ZMYM1: variants seen among roughly 807,000 people sequenced by gnomAD.
The protein encoded by ZMYM1 is zinc finger MYM-type containing 1, also known as zinc finger MYM-type protein 1.
A neutral mutation model predicts 60.0 loss-of-function variants in ZMYM1; 39 were observed. The ratio of observed to expected loss-of-function variants is 0.65; its 90% CI spans 0.50 to 0.85. The LOEUF is 0.85. ZMYM1 is among the 40% of genes least tolerant of loss of function. ZMYM1 has a pLI of 0.00. For synonymous variants in ZMYM1, 413 were observed against 454.0 expected (o/e 0.91, Z 1.15); for missense variants, 1,171 against 1,309.5 (o/e 0.89, Z 1.63).
At position 35,115,713 on chromosome 1, in the gene ZMYM1, T is replaced by A. The variant is rs899631204; in HGVS notation, c.*454T>A. ...GAGTGAGTTTACTGTAAGCTGGAAA[T>A]CTAAAGTTAGAATTACTAGGTTAAG... On this transcript the variant is annotated 3_prime_UTR_variant, in exon 10 of 10. Coordinates refer to ENST00000359858, the MANE Select transcript of ZMYM1 (RefSeq NM_024772.5). 1.3e-5 allele frequency: 2 copies of A among 151,428 alleles called. No homozygotes were observed. Among genetic ancestry groups the A allele is most frequent in the Admixed American group, 6.6e-5 (1 of 15,220 alleles). The allele number at this position is 151,428 out of a possible 1,614,324, so 9.4% of individuals were successfully genotyped here.
chr1:35,073,334 AAAGAAAGGAAGG>A (rs1157653653), intron 1 of ZMYM1, among the ~76,000 whole-genome samples: 5 of 44,172 alleles, frequency 1.1e-4, no homozygotes, highest in African/African-American at 3.0e-4. Flanking sequence ...AGGGAGAAAG[AAAGAAAGGAAGG>A]AAGGAAGGAA....
intron 1 of ZMYM1, among the ~76,000 whole-genome samples, chr1:35,064,617 T>C (rs1455043314): frequency 6.6e-6 from 1 of 150,526 alleles, no homozygotes; most frequent in Non-Finnish European, 1.5e-5. Context: ...ATAAAGAAAT[T>C]AAATGAGAAA....
At chr1:35,067,492 G>A (rs961342566) in intron 1 of ZMYM1, among the ~76,000 whole-genome samples, 7 of 151,850 alleles carry the variant, frequency 4.6e-5, no homozygotes, top group Non-Finnish European at 7.4e-5. Flanking sequence ...GGTTGGCAGT[G>A]GGGGTGAGGG....
intron 1 of ZMYM1, among the ~76,000 whole-genome samples, chr1:35,064,576 A>G (rs1358334625): frequency 3.3e-5 from 5 of 152,094 alleles, no homozygotes; most frequent in African/African-American, 7.2e-5. Flanking sequence ...CAAATTTAAA[A>G]TAATTAAGAT....
chr1:35,101,699 C>A (rs1026581665), intron 4 of ZMYM1, among the ~76,000 whole-genome samples: 2 of 151,700 alleles, frequency 1.3e-5, no homozygotes, highest in African/African-American at 2.4e-5. Context: ...TCATAACTCC[C>A]AAAACATTGA....
intron 1 of ZMYM1, among the ~76,000 whole-genome samples, chr1:35,086,047 T>G (rs912150333): frequency 6.6e-6 from 1 of 152,224 alleles, no homozygotes; most frequent in African/African-American, 2.4e-5. Flanking sequence ...AAATTTTCAA[T>G]GATGACAGAA....
chr1:35,093,055 G>T (rs926664702), intron 1 of ZMYM1, among the ~76,000 whole-genome samples: 1 of 152,186 alleles, frequency 6.6e-6, no homozygotes, highest in African/African-American at 2.4e-5. Flanking sequence ...AGAAATACTG[G>T]CAAAGAGGTA....
chr1:35,114,972 G>A lies in ZMYM1; in HGVS notation c.3142G>A (p.Val1048Ile), dbSNP rs537872338. The change falls in exon 10 of 10, where the codon GTC (valine) becomes ATC (isoleucine). Residue 1048 changes from valine to isoleucine, a missense_variant. By Grantham distance (29) the Val-to-Ile change is conservative. Transcript: ENST00000359858. ...FVIDDSCINF[V>I]SLGCLFIQHG... Reference sequence around the variant, plus strand: ...CATAGATGATAGTTGCATAAACTTCGTCAGTCTCGGCTGTTTGTTTATTCA... The same window carrying A: ...CATAGATGATAGTTGCATAAACTTCATCAGTCTCGGCTGTTTGTTTATTCA... 39 of 1,613,996 alleles carry A rather than the reference G, an allele frequency of 2.4e-5. No homozygotes were observed. In the East Asian group the frequency reaches 3.6e-4, roughly 15 times the overall value.
chr1:35,065,327 A>T (rs767954136), intron 1 of ZMYM1, among the ~76,000 whole-genome samples: 6 of 152,002 alleles, frequency 3.9e-5, no homozygotes, highest in South Asian at 4.1e-4. Context: ...ACCCATTTAC[A>T]CATAATGAAT....
At chr1:35,085,287 T>A (rs778063078) in intron 1 of ZMYM1, among the ~76,000 whole-genome samples, 6 of 152,240 alleles carry the variant, frequency 3.9e-5, no homozygotes, top group Non-Finnish European at 8.8e-5. Context: ...GACCTTGTGA[T>A]CCACCCGCCT....
intron 1 of ZMYM1, among the ~76,000 whole-genome samples, chr1:35,083,764 C>G (rs1451662016): frequency 6.6e-6 from 1 of 152,180 alleles, no homozygotes; most frequent in East Asian, 1.9e-4. Context: ...GTACTACAGG[C>G]ATCCACCACC....
At chr1:35,109,100 A>G (rs1015225939) in intron 6 of ZMYM1, among the ~76,000 whole-genome samples, 1 of 151,540 alleles carries the variant, frequency 6.6e-6, no homozygotes, top group African/African-American at 2.4e-5. Flanking sequence ...GCTCACTGCA[A>G]CCTCTGTCTT....
intron 2 of ZMYM1, among the ~76,000 whole-genome samples, chr1:35,094,710 A>G (rs1397906529): frequency 1.3e-5 from 2 of 152,170 alleles, no homozygotes; most frequent in African/African-American, 4.8e-5. Flanking sequence ...TTAGCCAGGC[A>G]TAGTGGTGCA....
At chr1:35,080,349 C>T (rs1304359509) in intron 1 of ZMYM1, among the ~76,000 whole-genome samples, 1 of 144,834 alleles carries the variant, frequency 6.9e-6, no homozygotes, top group Admixed American at 7.1e-5. Flanking sequence ...CTGGGTCTCG[C>T]TCTTTGGCCC....
chr1:35,078,759 G>A (rs1354023613), upstream of ZMYM1, among the ~76,000 whole-genome samples: 2 of 151,774 alleles, frequency 1.3e-5, no homozygotes, highest in African/African-American at 4.8e-5. Context: ...ATGTTGGTCA[G>A]GATGGTCTTG....
chr1:35,069,123 C>T (rs1027437857), intron 1 of ZMYM1, among the ~76,000 whole-genome samples: 5 of 152,152 alleles, frequency 3.3e-5, no homozygotes, highest in African/African-American at 7.2e-5. Context: ...CATGAGCCAC[C>T]GCACCTGGCC....
chr1:35,078,537 ATTTTTTTTTTTT>A (rs751468260), upstream of ZMYM1, among the ~76,000 whole-genome samples: 19 of 82,232 alleles, frequency 2.3e-4, no homozygotes, highest in East Asian at 1.2e-3. Flanking sequence ...GGTTATTTTA[ATTTTTTTTTTTT>A]TTTTTTTTTT....
At chr1:35,107,070 C>T (rs1643914745) in intron 6 of ZMYM1, among the ~76,000 whole-genome samples, 1 of 150,254 alleles carries the variant, frequency 6.7e-6, no homozygotes, top group Admixed American at 6.6e-5. Flanking sequence ...CCAGGATGGT[C>T]TCAATCTCCT....
At chr1:35,089,893 C>G (rs1642896784) in intron 1 of ZMYM1, among the ~76,000 whole-genome samples, 1 of 149,810 alleles carries the variant, frequency 6.7e-6, no homozygotes, top group South Asian at 2.1e-4. Flanking sequence ...CTACAGGTGC[C>G]CGATATAAGG....
Sources: allele counts gnomAD v4.1 joint callset (sites outside exome capture counted in the v4.1 genomes callset), GRCh38; gene constraint gnomAD v4.1.1; transcripts MANE v1.5; gene names NCBI Gene and HGNC (gene_info 2026-07-23, HGNC 2026-07-21).